RFC2: variants seen among roughly 807,000 people sequenced by gnomAD.
RFC2 encodes the protein A1 40 kDa subunit.
A neutral mutation model predicts 44.8 loss-of-function variants in RFC2; 34 were observed. The ratio of observed to expected loss-of-function variants is 0.76; its 90% CI spans 0.58 to 1.01. The LOEUF (loss-of-function observed/expected upper bound fraction) is 1.01. Among genes scored for constraint, RFC2 ranks in the 50% least tolerant of loss-of-function variants. The pLI is 0.00. For missense variants in RFC2, 400 were observed against 453.6 expected (o/e 0.88, Z 1.07); for synonymous variants, 177 against 168.9 (o/e 1.05, Z -0.37).
rs200263692 is a variant in RFC2, at chr7:74,240,108, G to A, written c.536-13C>T. ...GACTGAATGGGCTCTGAACAGAGAC[G>A]GGACAGTAGTGAGGCTTCCCTGCAG... is the stretch of plus-strand genomic sequence containing the variant. On this transcript the variant is annotated splice_polypyrimidine_tract_variant and intron_variant, in intron 6 of 10. Transcript: ENST00000055077. 1.1e-4 allele frequency: 182 copies of A among 1,611,004 alleles called. No homozygotes were observed. In the African/African-American group the frequency reaches 2.1e-3, roughly 19 times the overall value.
At chr7:74,247,208 G>C (rs782376128) in intron 4 of RFC2, among the ~76,000 whole-genome samples, 1 of 151,528 alleles carries the variant, frequency 6.6e-6, no homozygotes, top group Non-Finnish European at 1.5e-5. Context: ...TAATAGAAGT[G>C]CAGATATACC....
intron 10 of RFC2, chr7:74,233,660 G>C: frequency 2.9e-6 from 1 of 348,562 alleles, no homozygotes; most frequent in Non-Finnish European, 5.9e-6. Flanking sequence ...TAGTGCAGGG[G>C]TGTGATCTCA....
chr7:74,243,328 T>C, intron 5 of RFC2, 82 bp from the exon 6 acceptor site: 1 of 910,028 alleles, frequency 1.1e-6, no homozygotes, highest in Non-Finnish European at 1.8e-6. Flanking sequence ...ACCCAGGACA[T>C]AAGACACATC....
At chr7:74,252,301 G>A (rs1162650628) in intron 2 of RFC2, 128 bp downstream of exon 2, 10 of 570,324 alleles carry the variant, frequency 1.8e-5, no homozygotes, top group Non-Finnish European at 3.2e-5. Context: ...CAGCTACTGG[G>A]GAGGCTGAGG....
At chr7:74,243,293 G>T in intron 5 of RFC2, 47 bp from the exon 6 acceptor site, 1 of 1,291,770 alleles carries the variant, frequency 7.7e-7, no homozygotes, top group Non-Finnish European at 1.1e-6. Flanking sequence ...GAGACCATGT[G>T]ACACAAATCG....
intron 5 of RFC2, 151 bp from the exon 6 acceptor site, chr7:74,243,397 C>T: frequency 1.6e-6 from 1 of 608,708 alleles, no homozygotes; most frequent in Non-Finnish European, 3.0e-6. Flanking sequence ...AATGCTAACA[C>T]CTGCAGGCCG....
chr7:74,239,261 C>T (rs1458241243), intron 7 of RFC2, among the ~76,000 whole-genome samples: 1 of 150,504 alleles, frequency 6.6e-6, no homozygotes, highest in Non-Finnish European at 1.5e-5. Context: ...CTGCAATCTC[C>T]GTATCCCAGG....
Position 74,237,427 on chromosome 7 carries a change from G to A in RFC2, c.775C>T (p.His259Tyr). 1 of 1,594,224 alleles carries A rather than the reference G, an allele frequency of 6.3e-7. No homozygotes were observed. The highest frequency in any genetic ancestry group is 8.6e-7 in the Non-Finnish European group (1 of 1,169,028). ...ATCATCTCCTTTACCAGCAGTGGGT[G>A]GGGCTCGTCACAGACCTGGCCAAAG... ...ENVFKVCDEPHPLLVKEMIQH... is the reference protein window; with the variant it reads ...ENVFKVCDEPYPLLVKEMIQH... The change falls in exon 9 of 11, where the codon CAC becomes TAC. Residue 259 changes from histidine (H) to tyrosine (Y), a missense_variant. His to Tyr is a moderately conservative substitution (Grantham distance 83). Transcript: ENST00000055077.
At chr7:74,252,690 T>C (rs1378258141) in intron 1 of RFC2, among the ~76,000 whole-genome samples, 192 bp from the exon 2 acceptor site, 1 of 152,136 alleles carries the variant, frequency 6.6e-6, no homozygotes, top group African/African-American at 2.4e-5. Flanking sequence ...ATCCTAGCAC[T>C]TTGTGAGGCT....
At position 74,251,993 on chromosome 7, in the gene RFC2, G is replaced by A. The variant is rs556665014; in HGVS notation, c.183+436C>T. 2.2e-3 allele frequency among the ~76,000 whole-genome samples: 324 copies of A among 149,644 alleles called. 1 individual carries two copies. The highest frequency in any genetic ancestry group is 4.3e-3 in the African/African-American group (173 of 40,500). On this transcript the variant is annotated intron_variant, in intron 2 of 10. Coordinates refer to ENST00000055077, the MANE Select transcript of RFC2 (RefSeq NM_181471.3). ...GGGCGCCTGTAGTCCCAGTTACTCC[G>A]GAGGCTGAGGCAGGAGAATGGCGTG... is the stretch of plus-strand genomic sequence containing the variant.
rs891823243 is a variant in RFC2 at position 74,254,333 on chromosome 7, G to A, written c.51C>T (p.Asp17=). ...CGGAGEVEAQ[D]SDPAPAFSKA... ...TGCTGAAGGCAGGGGCAGGGTCAGAGTCCTGGGCCTCCACCTCGCCCGCGC... is the reference window on the plus strand; with the variant it reads ...TGCTGAAGGCAGGGGCAGGGTCAGAATCCTGGGCCTCCACCTCGCCCGCGC... The change falls in exon 1 of 11, where the codon GAC becomes GAT. Residue 17 remains aspartate, a synonymous_variant. Coordinates refer to ENST00000055077, the MANE Select transcript of RFC2 (RefSeq NM_181471.3). The A allele has an allele frequency of 2.8e-5, 45 of 1,611,626 alleles. No individual in the cohort carries two copies. Among genetic ancestry groups the A allele is most frequent in the Non-Finnish European group, 3.6e-5 (43 of 1,179,270 alleles).
intron 4 of RFC2, among the ~76,000 whole-genome samples, chr7:74,248,398 G>A (rs1296462216): frequency 6.6e-6 from 1 of 151,990 alleles, no homozygotes; most frequent in African/African-American, 2.4e-5. Context: ...AGCAGGCCAA[G>A]GCAGGAGGAT....
At chr7:74,250,135 AG>A (rs3135661) in intron 2 of RFC2, among the ~76,000 whole-genome samples, 11,784 of 150,636 alleles carry the variant, frequency 0.078, 486 homozygotes, top group East Asian at 0.092. Context: ...CCTGGGAAAG[AG>A]TGGGACCCTG....
At chr7:74,237,505 C>A in intron 8 of RFC2, 63 bp from the exon 9 acceptor site, 1 of 1,046,120 alleles carries the variant, frequency 9.6e-7, no homozygotes, top group Non-Finnish European at 1.3e-6. Context: ...GGGGAGGCCC[C>A]AACAGACCGA....
At chr7:74,249,935 A>G (rs1786817495) in intron 2 of RFC2, 155 bp from the exon 3 acceptor site, 1 of 700,306 alleles carries the variant, frequency 1.4e-6, no homozygotes, top group Admixed American at 2.0e-5. Flanking sequence ...AAGGCAGGAC[A>G]ATCACTTGAG....
intron 3 of RFC2, 119 bp from the exon 4 acceptor site, chr7:74,249,237 GCA>G (rs1563998942): frequency 5.2e-6 from 8 of 1,548,648 alleles, no homozygotes; most frequent in Non-Finnish European, 7.0e-6. Flanking sequence ...TCCACCCACA[GCA>G]CACACAGATC....
At chr7:74,243,950 A>T (rs1342196198) in intron 5 of RFC2, among the ~76,000 whole-genome samples, 17 of 151,766 alleles carry the variant, frequency 1.1e-4, no homozygotes, top group African/African-American at 4.1e-4. Context: ...AAAGAGAAGA[A>T]AAAAAGCAAG....
chr7:74,232,134 T>G lies in RFC2; in HGVS notation c.1037A>C (p.Gln346Pro). 3 of 1,612,424 alleles carry G rather than the reference T, an allele frequency of 1.9e-6. No homozygotes were observed. Among genetic ancestry groups the G allele is most frequent in the Non-Finnish European group, 2.5e-6 (3 of 1,178,408 alleles). ...QMAGLLARLC[Q>P]KTMAPVAS Reference sequence around the variant, plus strand: ...ACTGGCCACCGGGGCCATTGTCTTCTGACACAGCCTTGCCAGGAGGCCTGC... The same window carrying G: ...ACTGGCCACCGGGGCCATTGTCTTCGGACACAGCCTTGCCAGGAGGCCTGC... The change falls in exon 11 of 11, where the codon CAG (glutamine) becomes CCG (proline). Residue 346 changes from glutamine (Q) to proline (P), a missense_variant. Coordinates refer to ENST00000055077, the MANE Select transcript of RFC2 (RefSeq NM_181471.3).
Position 74,243,180 on chromosome 7 carries a change from G to A in RFC2, c.501C>T (p.Phe167=), listed in dbSNP as rs782042572. The A allele has an allele frequency of 4.5e-5, 72 of 1,613,666 alleles. No individual in the cohort carries two copies. The highest frequency in any genetic ancestry group is 6.7e-5 in the East Asian group (3 of 44,884). The change falls in exon 6 of 11, where the codon TTC becomes TTT. Residue 167 remains phenylalanine (F), a synonymous_variant. Transcript: ENST00000055077. ...TMEIYSKTTR[F]ALACNASDKI... The stretch of plus-strand genomic sequence containing the variant: ...TATCCGAAGCATTACAAGCAAGGGC[G>A]AAGCGAGTGGTTTTAGAGTAGATTT...
Sources: gnomAD v4.1 joint callset for allele counts (sites outside exome capture counted in the v4.1 genomes callset) on GRCh38, gnomAD v4.1.1 for gene constraint, MANE v1.5 for transcripts, NCBI Gene and HGNC (gene_info 2026-07-23, HGNC 2026-07-21) for gene names.